The following IGF2BP2 variants were observed in gnomAD, a reference collection of about 807,000 sequenced individuals.
The protein encoded by IGF2BP2 is insulin-like growth factor 2 mRNA-binding protein 2.
Under a neutral mutation model 75.8 loss-of-function variants are expected in IGF2BP2, and 17 were observed. The ratio of observed to expected loss-of-function variants is 0.22; its 90% CI spans 0.15 to 0.34. The LOEUF (loss-of-function observed/expected upper bound fraction) is 0.34. Among genes scored for constraint, IGF2BP2 ranks in the 10% least tolerant of loss-of-function variants. The pLI, the probability that IGF2BP2 is intolerant of heterozygous loss-of-function variation, is 1.00. For synonymous variants in IGF2BP2, 288 were observed against 295.6 expected (o/e 0.97, Z 0.26); for missense variants, 516 against 772.4 (o/e 0.67, Z 3.93).
At chr3:185,724,393 A>G (rs1447725450) in intron 2 of IGF2BP2, 4 of 152,250 alleles carry the variant, frequency 2.6e-5, no homozygotes, top group Non-Finnish European at 5.9e-5. Context: ...AATAGGTTTT[A>G]TAACTGCTAT....
intron 2 of IGF2BP2, among the ~76,000 whole-genome samples, chr3:185,803,118 A>T (rs1203863741): frequency 6.6e-6 from 1 of 152,224 alleles, no homozygotes; most frequent in African/African-American, 2.4e-5. Flanking sequence ...TTTGAGGCCT[A>T]GGCAGGTGGA....
intron 10 of IGF2BP2, among the ~76,000 whole-genome samples, chr3:185,664,102 T>C (rs1577869214): frequency 6.6e-6 from 1 of 152,332 alleles, no homozygotes; most frequent in East Asian, 1.9e-4. Context: ...CACTGCTCTA[T>C]GCCAGCTTGT....
chr3:185,801,437 C>A (rs1233179726), intron 2 of IGF2BP2, among the ~76,000 whole-genome samples: 3 of 144,236 alleles, frequency 2.1e-5, no homozygotes, highest in Admixed American at 7.3e-5. Context: ...TGTGGTGAGC[C>A]GAGATGGCGT....
At chr3:185,757,645 T>G (rs902245063) in intron 2 of IGF2BP2, among the ~76,000 whole-genome samples, 4 of 151,928 alleles carry the variant, frequency 2.6e-5, no homozygotes, top group Non-Finnish European at 5.9e-5. Context: ...TTGTATTTTT[T>G]GTAGAGATGG....
intron 2 of IGF2BP2, among the ~76,000 whole-genome samples, chr3:185,812,344 A>G (rs530569210): frequency 2.0e-5 from 3 of 152,374 alleles, no homozygotes; most frequent in East Asian, 3.9e-4. Flanking sequence ...GCCAAGAGCC[A>G]GAGCGCAATC....
chr3:185,727,099 T>TC lies in IGF2BP2; in HGVS notation c.240-28753dup, dbSNP rs373149653. 7.7e-3 allele frequency among the ~76,000 whole-genome samples: 1,161 copies of TC among 151,196 alleles called. 7 individuals are homozygous for TC. Among genetic ancestry groups the TC allele is most frequent in the Non-Finnish European group, 0.012 (812 of 67,902 alleles). On this transcript the variant is annotated intron_variant, in intron 2 of 15. Coordinates refer to ENST00000382199, the MANE Select transcript of IGF2BP2 (RefSeq NM_006548.6). ...TGGGTGTGGTGGCAGGCACCTGTAATCCCAGCTACTCAGGAGGCTGAGGCA... is the reference window on the plus strand; with the variant it reads ...TGGGTGTGGTGGCAGGCACCTGTAATCCCCAGCTACTCAGGAGGCTGAGGCA...
intron 2 of IGF2BP2, among the ~76,000 whole-genome samples, chr3:185,819,115 C>G (rs1578413047): frequency 6.6e-6 from 1 of 152,020 alleles, no homozygotes; most frequent in African/African-American, 2.4e-5. Flanking sequence ...AAACGATAAT[C>G]TCAGGTTAAC....
intron 2 of IGF2BP2, among the ~76,000 whole-genome samples, chr3:185,791,958 T>C (rs917441932): frequency 1.7e-4 from 26 of 152,294 alleles, no homozygotes; most frequent in African/African-American, 6.0e-4. Context: ...TCTAGGACGG[T>C]AACATATGGG....
chr3:185,742,875 C>A (rs1463811378), intron 2 of IGF2BP2, among the ~76,000 whole-genome samples: 2 of 151,946 alleles, frequency 1.3e-5, no homozygotes, highest in Non-Finnish European at 2.9e-5. Context: ...CTGAGGCGGG[C>A]AGATCACGAG....
At chr3:185,823,803 C>T (rs1306502931) in intron 1 of IGF2BP2, among the ~76,000 whole-genome samples, 6 of 151,562 alleles carry the variant, frequency 4.0e-5, no homozygotes, top group South Asian at 2.1e-4. Flanking sequence ...GGCCGGGGCC[C>T]GGGGGCCCGC....
chr3:185,806,813 TATATA>T (rs1739093388), intron 2 of IGF2BP2, among the ~76,000 whole-genome samples: 1 of 152,224 alleles, frequency 6.6e-6, no homozygotes, highest in Non-Finnish European at 1.5e-5. Context: ...ATTTTTCTAA[TATATA>T]ATAAAGGTAA....
chr3:185,705,667 T>C (rs956746765), intron 2 of IGF2BP2, among the ~76,000 whole-genome samples: 11 of 152,198 alleles, frequency 7.2e-5, no homozygotes, highest in African/African-American at 2.2e-4. Context: ...TTTCTCACAG[T>C]TCTGGAGGCT....
intron 2 of IGF2BP2, among the ~76,000 whole-genome samples, chr3:185,804,436 C>A (rs1441922452): frequency 2.3e-4 from 33 of 143,362 alleles, no homozygotes; most frequent in South Asian, 4.4e-4. Context: ...TTGTCTCAAA[C>A]AAAAAAAAAA....
chr3:185,744,884 C>T (rs181635132), intron 2 of IGF2BP2, among the ~76,000 whole-genome samples: 334 of 152,298 alleles, frequency 2.2e-3, no homozygotes, highest in African/African-American at 5.4e-3. Flanking sequence ...TGTTTTCATA[C>T]GGCATTAAAA....
chr3:185,685,403 T>C (rs1161273980), intron 7 of IGF2BP2, among the ~76,000 whole-genome samples: 1 of 151,262 alleles, frequency 6.6e-6, no homozygotes, highest in African/African-American at 2.4e-5. Flanking sequence ...GGATGAGAAA[T>C]GTCTTTTTCA....
rs540094622 is a variant in IGF2BP2 at position 185,658,539 on chromosome 3, C to T, written c.1201-130G>A. On this transcript the variant is annotated intron_variant, in intron 10 of 15. Transcript: ENST00000382199. ...AGCTGGCTCCACTGTCGTGTCTACA[C>T]GCCTGTCCCTCTGTGTCTCAGATCT... The T allele has an allele frequency of 3.5e-4, 235 of 677,562 alleles. 3 individuals are homozygous for T. The highest frequency in any genetic ancestry group is 2.0e-3 in the South Asian group (107 of 52,992). 42.0% of individuals were successfully genotyped at this position (677,562 alleles called of 1,614,324 possible). A position where few individuals can be genotyped will look rare whatever the true frequency, so the allele number is the denominator to read the frequency against.
chr3:185,769,360 T>A (rs907949203), intron 2 of IGF2BP2, among the ~76,000 whole-genome samples: 1 of 150,986 alleles, frequency 6.6e-6, no homozygotes, highest in Admixed American at 6.6e-5. Flanking sequence ...GTCTCCAAAT[T>A]TTTTTTAAAA....
At chr3:185,651,115 T>G (rs1714528729) in intron 13 of IGF2BP2, among the ~76,000 whole-genome samples, 1 of 152,196 alleles carries the variant, frequency 6.6e-6, no homozygotes, top group South Asian at 2.1e-4. Context: ...CTCACTGTGT[T>G]GCCCAGGCTG....
chr3:185,798,293 C>T (rs1317805815), intron 2 of IGF2BP2, among the ~76,000 whole-genome samples: 2 of 152,176 alleles, frequency 1.3e-5, no homozygotes, highest in Non-Finnish European at 2.9e-5. Context: ...GTTTTATTCA[C>T]CTCCAGGTTT....
Sources: allele counts gnomAD v4.1 joint callset (sites outside exome capture counted in the v4.1 genomes callset), GRCh38; gene constraint gnomAD v4.1.1; transcripts MANE v1.5; gene names NCBI Gene and HGNC (gene_info 2026-07-23, HGNC 2026-07-21).